The following FLI1 variants were observed in gnomAD, a reference collection of about 807,000 sequenced individuals.
The protein encoded by FLI1 is Friend leukemia integration 1 transcription factor.
A neutral mutation model predicts 53.1 loss-of-function variants in FLI1; 13 were observed. The ratio of observed to expected loss-of-function variants is 0.24; its 90% CI spans 0.16 to 0.39. The LOEUF (loss-of-function observed/expected upper bound fraction) is 0.39, where lower values mean the gene tolerates loss of function less well. Among genes scored for constraint, FLI1 ranks in the 10% least tolerant of loss-of-function variants. The probability of loss-of-function intolerance (pLI) is 1.00; values close to 1 mark genes in which losing one functional copy is unlikely to be tolerated. For synonymous variants in FLI1, 244 were observed against 236.7 expected (o/e 1.03, Z -0.28); for missense variants, 424 against 600.5 (o/e 0.71, Z 3.07).
At chr11:128,757,948 T>C (rs1264795438) in intron 1 of FLI1, among the ~76,000 whole-genome samples, 167 bp from the exon 2 acceptor site, 1 of 152,184 alleles carries the variant, frequency 6.6e-6, no homozygotes, top group East Asian at 1.9e-4. Context: ...AACACCCATC[T>C]GGTTTGCATA....
At chr11:128,788,149 T>C (rs1466643144) in intron 5 of FLI1, among the ~76,000 whole-genome samples, 1 of 152,108 alleles carries the variant, frequency 6.6e-6, no homozygotes, top group African/African-American at 2.4e-5. Context: ...TGAAGGATAC[T>C]ATACATAGAT....
intron 1 of FLI1, among the ~76,000 whole-genome samples, chr11:128,716,913 G>C (rs1247306955): frequency 6.6e-6 from 1 of 152,168 alleles, no homozygotes; most frequent in Non-Finnish European, 1.5e-5. Context: ...GAGGAAGAAG[G>C]CAGGGCATGC....
intron 1 of FLI1, among the ~76,000 whole-genome samples, chr11:128,710,378 T>A (rs960726720): frequency 6.6e-6 from 1 of 152,182 alleles, no homozygotes; most frequent in Admixed American, 6.5e-5. Context: ...TAGGGTGTTA[T>A]CCTTGGCCAA....
Position 128,768,145 on chromosome 11 carries a change from C to A in FLI1, c.258C>A (p.Ser86Arg). The change falls in exon 3 of 9, where the codon AGC (serine) becomes AGA (arginine). Residue 86 changes from serine (S) to arginine (R), a missense_variant. Physicochemically the swap from Ser to Arg is moderately radical, Grantham distance 110. This residue lies in a region of FLI1 where 137 missense variants were observed against 169.1 expected (regional missense o/e 0.81). Transcript: ENST00000527786. Reference sequence around the variant, plus strand: ...AGTCTCCGGTGGACTGCAGCGTTAGCAAATGCAGCAAGCTGGTGGGCGGAG... The same window carrying A: ...AGTCTCCGGTGGACTGCAGCGTTAGAAAATGCAGCAAGCTGGTGGGCGGAG... ...SRESPVDCSV[S>R]KCSKLVGGGE... 6.2e-7 allele frequency: 1 copy of A among 1,613,640 alleles called. No homozygotes were observed. Among genetic ancestry groups the A allele is most frequent in the Non-Finnish European group, 8.5e-7 (1 of 1,179,714 alleles).
chr11:128,770,102 G>C (rs1374921661), intron 3 of FLI1, among the ~76,000 whole-genome samples: 1 of 152,188 alleles, frequency 6.6e-6, no homozygotes, highest in Non-Finnish European at 1.5e-5. Flanking sequence ...TTTGGGGAAG[G>C]AATCTTGGAA....
chr11:128,788,173 T>C (rs1232138373), intron 5 of FLI1, among the ~76,000 whole-genome samples: 2 of 152,066 alleles, frequency 1.3e-5, no homozygotes, highest in Non-Finnish European at 2.9e-5. Context: ...CAAGCTGCTT[T>C]AAAACTTATT....
chr11:128,804,744 T>G (rs1217922760), intron 5 of FLI1: 1 of 152,288 alleles, frequency 6.6e-6, no homozygotes, highest in African/African-American at 2.4e-5. Flanking sequence ...ACCGCTGTGA[T>G]GTCATCCCAC....
chr11:128,778,259 A>T (rs1450212070), intron 4 of FLI1, among the ~76,000 whole-genome samples: 1 of 152,138 alleles, frequency 6.6e-6, no homozygotes, highest in Non-Finnish European at 1.5e-5. Context: ...AAAATCATGA[A>T]GTGCGCTACG....
At chr11:128,807,314 G>A in intron 7 of FLI1, 75 bp downstream of exon 7, 1 of 1,023,764 alleles carries the variant, frequency 9.8e-7, no homozygotes. Flanking sequence ...ACTGATGGAG[G>A]GTTTAAACAA....
intron 4 of FLI1, among the ~76,000 whole-genome samples, chr11:128,773,242 G>A (rs1941630237): frequency 6.6e-6 from 1 of 152,150 alleles, no homozygotes; most frequent in Non-Finnish European, 1.5e-5. Flanking sequence ...GCAGAGGCTG[G>A]TTACACTCTT....
intron 5 of FLI1, among the ~76,000 whole-genome samples, chr11:128,784,955 G>A (rs566658581): frequency 6.6e-6 from 1 of 152,348 alleles, no homozygotes; most frequent in African/African-American, 2.4e-5. Context: ...AAGTTGAGGA[G>A]ATGCTGTCTA....
intron 1 of FLI1, 125 bp downstream of exon 1, chr11:128,694,401 T>C: frequency 1.3e-6 from 1 of 787,120 alleles, no homozygotes; most frequent in Non-Finnish European, 1.8e-6. Context: ...GCGCCCCGGC[T>C]TCGCGCCGGC....
chr11:128,720,695 AAAGCAGCCACT>A (rs1939216282), intron 1 of FLI1, among the ~76,000 whole-genome samples: 2 of 152,248 alleles, frequency 1.3e-5, no homozygotes, highest in African/African-American at 4.8e-5. Flanking sequence ...ACATACGTGG[AAAGCAGCCACT>A]AATAATAGAA....
rs1184910280 is a variant in FLI1 at position 128,799,049 on chromosome 11, A to ATTTTTTTTT, written c.656-6315_656-6314insTTTTTTTTT. 7.9e-3 allele frequency among the ~76,000 whole-genome samples: 1,089 copies of ATTTTTTTTT among 137,192 alleles called. 46 individuals carry two copies. Among genetic ancestry groups the ATTTTTTTTT allele is most frequent in the African/African-American group, 0.028 (1,051 of 37,112 alleles). The allele number at this position is 137,192 out of a possible 152,430, so 90.0% of individuals were successfully genotyped here. On this transcript the variant is annotated intron_variant, in intron 5 of 8. Coordinates refer to ENST00000527786, the MANE Select transcript of FLI1 (RefSeq NM_002017.5). ...TATTATTATTATTATTATTATTATT[A>ATTTTTTTTT]TTATTTTGCTTTGGAGACAGGATCT...
At chr11:128,709,980 G>A (rs971578748) in intron 1 of FLI1, among the ~76,000 whole-genome samples, 13 of 152,154 alleles carry the variant, frequency 8.5e-5, no homozygotes, top group African/African-American at 3.1e-4. Flanking sequence ...GTGAGTGAAG[G>A]GACAACAGAA....
intron 1 of FLI1, among the ~76,000 whole-genome samples, chr11:128,698,594 T>C (rs602147): frequency 0.47 from 71,960 of 151,984 alleles, 17,066 homozygotes; most frequent in East Asian, 0.53. Flanking sequence ...ATAGTGAAAG[T>C]TCAGGGCTCT....
At chr11:128,760,971 C>T (rs564734053) in intron 2 of FLI1, among the ~76,000 whole-genome samples, 1 of 152,316 alleles carries the variant, frequency 6.6e-6, no homozygotes, top group South Asian at 2.1e-4. Flanking sequence ...TTCCTGAAGT[C>T]TATTCTCCGG....
At chr11:128,691,445 T>C (rs1937736089), upstream of FLI1, among the ~76,000 whole-genome samples, 1 of 152,166 alleles carries the variant, frequency 6.6e-6, no homozygotes, top group African/African-American at 2.4e-5. Context: ...TGGGGTCTTC[T>C]TTCTGGGTGG....
At chr11:128,782,079 G>T in intron 5 of FLI1, 56 bp downstream of exon 5, 1 of 1,367,338 alleles carries the variant, frequency 7.3e-7, no homozygotes, top group South Asian at 1.2e-5. Flanking sequence ...CATGACACAG[G>T]CCCATGCTGT....
Sources: allele counts gnomAD v4.1 joint callset (sites outside exome capture counted in the v4.1 genomes callset), GRCh38; gene constraint gnomAD v4.1.1; regional missense constraint gnomAD v4.1.1; transcripts MANE v1.5; gene names NCBI Gene and HGNC (gene_info 2026-07-23, HGNC 2026-07-21).